Variants in LRRC71 observed in about 807,000 individuals in gnomAD.
LRRC71 encodes the protein leucine-rich repeat-containing protein 71.
Under a neutral mutation model 66.6 loss-of-function variants are expected in LRRC71, and 54 were observed. The observed-to-expected ratio is 0.81, with a 90% confidence interval of 0.65 to 1.02. The LOEUF is 1.02. Among genes scored for constraint, LRRC71 ranks in the 50% least tolerant of loss-of-function variants. LRRC71 has a pLI of 0.00. For missense variants in LRRC71, 724 were observed against 718.0 expected, an observed-to-expected ratio of 1.01 and a Z score of -0.10; for synonymous variants, 323 against 303.9, an observed-to-expected ratio of 1.06 and a Z score of -0.65.
At chr1:156,926,437 A>T (rs1278763628) in intron 5 of LRRC71, among the ~76,000 whole-genome samples, 1 of 152,162 alleles carries the variant, frequency 6.6e-6, no homozygotes, top group Non-Finnish European at 1.5e-5. Flanking sequence ...GCAGCTGGCC[A>T]GCTGAGAGAG....
At chr1:156,938,101 C>A in the LRRC71 span, among the ~76,000 whole-genome samples, 1 of 152,196 alleles carries the variant, frequency 6.6e-6, no homozygotes, top group Non-Finnish European at 1.5e-5. Flanking sequence ...GAAGTGGCTG[C>A]TTGCATATCA....
At chr1:156,929,005 C>T (rs1416233347) in intron 9 of LRRC71, among the ~76,000 whole-genome samples, 1 of 152,132 alleles carries the variant, frequency 6.6e-6, no homozygotes. Context: ...GCACTTAGCT[C>T]AATAAAAGCT....
In LRRC71 at chr1:156,932,489, TCCAAGG is replaced by T; in HGVS notation, c.1513_1518del (p.Ala505_Lys506del). Reference sequence around the variant, plus strand: ...CACGGTGCAGTATCAGATGCAGTTCTCCAAGGCCAAGAGTGCATCCAAGGGTCCAGT... The same window carrying T: ...CACGGTGCAGTATCAGATGCAGTTCTCCAAGAGTGCATCCAAGGGTCCAGT... On this transcript the variant is annotated inframe_deletion, in exon 14 of 15. Coordinates refer to ENST00000337428, the MANE Select transcript of LRRC71 (RefSeq NM_144702.3). 2 of 1,613,686 alleles carry T rather than the reference TCCAAGG, an allele frequency of 1.2e-6. No individual in the cohort carries two copies. Among genetic ancestry groups the T allele is most frequent in the Non-Finnish European group, 1.7e-6 (2 of 1,179,784 alleles).
In LRRC71 at chr1:156,920,853, C is replaced by T. The variant is rs1465974464; in HGVS notation, c.50C>T (p.Pro17Leu). Reference sequence around the variant, plus strand: ...GGGGCCTCACCCAGGGCCCCGCGTCCGGGGACCCAGAAGTCTTCTGGCGCG... The same window carrying T: ...GGGGCCTCACCCAGGGCCCCGCGTCTGGGGACCCAGAAGTCTTCTGGCGCG... ...APGASPRAPRPGTQKSSGAVT... is the reference protein window; with the variant it reads ...APGASPRAPRLGTQKSSGAVT... The change falls in exon 1 of 15, where the codon CCG becomes CTG. Residue 17 changes from proline (P) to leucine (L), a missense_variant. Transcript: ENST00000337428. The surrounding 1 kb of genome is among the most constrained non-coding windows in gnomAD (Gnocchi z 4.9). 1.3e-6 allele frequency: 2 copies of T among 1,538,216 alleles called. No homozygotes were observed. The highest frequency in any genetic ancestry group is 1.8e-6 in the Non-Finnish European group (2 of 1,140,960).
At chr1:156,938,407 A>G in the LRRC71 span, 1 of 1,611,006 alleles carries the variant, frequency 6.2e-7, no homozygotes, top group Non-Finnish European at 8.5e-7. Context: ...CTCCAAGGAG[A>G]AAGTTATTAC....
At chr1:156,940,119 G>T in the LRRC71 span, 1 of 1,456,166 alleles carries the variant, frequency 6.9e-7, no homozygotes, top group Non-Finnish European at 9.2e-7. Flanking sequence ...AGAGCCTTCG[G>T]GAAGGTGGAG....
At chr1:156,933,432 A>G (rs563222069), downstream of LRRC71, among the ~76,000 whole-genome samples, 1 of 152,348 alleles carries the variant, frequency 6.6e-6, no homozygotes, top group East Asian at 1.9e-4. Flanking sequence ...AGAGGAATTA[A>G]GCACAGGCTC....
downstream of LRRC71, among the ~76,000 whole-genome samples, chr1:156,936,495 A>T (rs868487102): frequency 0.01 from 595 of 56,918 alleles, 2 homozygotes; most frequent in South Asian, 0.014. Context: ...AAAAAAAAAA[A>T]AAATATATAT....
At chr1:156,931,816 A>C in intron 12 of LRRC71, 100 bp from the exon 13 acceptor site, 22 of 881,586 alleles carry the variant, frequency 2.5e-5, no homozygotes, top group Non-Finnish European at 3.8e-5. Flanking sequence ...CCTGGACTAT[A>C]GCCGGCAGTC....
chr1:156,936,405 G>A (rs552021791), downstream of LRRC71, among the ~76,000 whole-genome samples: 5 of 149,042 alleles, frequency 3.4e-5, no homozygotes, highest in African/African-American at 1.0e-4. Context: ...GCTGAGGTGG[G>A]TGGATCACTT....
chr1:156,937,009 G>A (rs765386556), downstream of LRRC71: 1 of 1,611,470 alleles, frequency 6.2e-7, no homozygotes, highest in Middle Eastern at 1.7e-4. Flanking sequence ...CCATATCCTG[G>A]AAGAGTCGGC....
At chr1:156,936,258 G>C (rs374846146), downstream of LRRC71, 52 of 757,234 alleles carry the variant, frequency 6.9e-5, no homozygotes, top group African/African-American at 7.4e-4. Context: ...CTTAGGTCAG[G>C]TAGGTATGTG....
intron 12 of LRRC71, 82 bp from the exon 13 acceptor site, chr1:156,931,834 G>C (rs1385183370): frequency 8.9e-7 from 1 of 1,119,966 alleles, no homozygotes; most frequent in African/African-American, 1.6e-5. Context: ...GTCAAAACAT[G>C]TATGTTGAAT....
chr1:156,928,348 T>TC lies in LRRC71; in HGVS notation c.996+344_996+345insC, dbSNP rs1465618080. Among the ~76,000 whole-genome samples, 143 of 149,032 alleles carry TC rather than the reference T, an allele frequency of 9.6e-4. 1 individual carries two copies. The highest frequency in any genetic ancestry group is 1.7e-3 in the Non-Finnish European group (114 of 66,818). On this transcript the variant is annotated intron_variant, in intron 9 of 14. Transcript: ENST00000337428. ...TTCTTTCTTTTTTCTTTCTTCTTTC[T>TC]TTCTCTTCTTCTTCCTCTTCTTCTT...
chr1:156,938,582 C>T, the LRRC71 span: 1 of 1,500,802 alleles, frequency 6.7e-7, no homozygotes, highest in South Asian at 1.2e-5. Context: ...GGAGAGAGAA[C>T]AGGAAGGAGA....
chr1:156,936,497 A>AAAAATAT (rs370282821), downstream of LRRC71, among the ~76,000 whole-genome samples: 18 of 33,934 alleles, frequency 5.3e-4, no homozygotes, highest in African/African-American at 7.7e-4. Context: ...AAAAAAAAAA[A>AAAAATAT]ATATATATAT....
chr1:156,920,999 A>T lies in LRRC71; in HGVS notation c.160+36A>T, dbSNP rs373368299. On this transcript the variant is annotated intron_variant, in intron 1 of 14. Transcript: ENST00000337428. The surrounding 1 kb of genome is among the most constrained non-coding windows in gnomAD (Gnocchi z 4.9). Reference sequence around the variant, plus strand: ...GCCGGGGTTTGGGGATCGGGCTTCCAGGCTGCGTCTTCCCGGGTTCCCACT... The same window carrying T: ...GCCGGGGTTTGGGGATCGGGCTTCCTGGCTGCGTCTTCCCGGGTTCCCACT... 1 of 1,467,226 alleles carries T rather than the reference A, an allele frequency of 6.8e-7. No individual in the cohort carries two copies. The highest frequency in any genetic ancestry group is 9.1e-7 in the Non-Finnish European group (1 of 1,103,042). 90.9% of individuals were successfully genotyped at this position (1,467,226 alleles called of 1,614,324 possible).
At chr1:156,922,688 T>A (rs1652575058) in intron 1 of LRRC71, among the ~76,000 whole-genome samples, 1 of 152,204 alleles carries the variant, frequency 6.6e-6, no homozygotes, top group African/African-American at 2.4e-5. Flanking sequence ...CTCAAGGTGT[T>A]GTCCTTGGAC....
chr1:156,939,783 G>A, the LRRC71 span: 5 of 1,613,922 alleles, frequency 3.1e-6, no homozygotes, highest in Admixed American at 1.7e-5. Flanking sequence ...CTGGGTCCCA[G>A]GGGTGAGAGG....
Sources: gnomAD v4.1 joint callset for allele counts (sites outside exome capture counted in the v4.1 genomes callset) on GRCh38, gnomAD v4.1.1 for gene constraint, Gnocchi (gnomAD v3.1) non-coding constraint, MANE v1.5 for transcripts, NCBI Gene and HGNC (gene_info 2026-07-23, HGNC 2026-07-21) for gene names.